The following KDM1A variants were observed in gnomAD, a reference collection of about 807,000 sequenced individuals.
KDM1A encodes the protein lysine demethylase 1A.
KDM1A carries 49 observed loss-of-function variants against 109.4 expected under a neutral mutation model. That is an observed-to-expected ratio of 0.45 (90% CI 0.36 to 0.57). KDM1A has a LOEUF of 0.57. KDM1A is among the 20% of genes least tolerant of loss of function. The pLI is 0.00. For missense variants in KDM1A, 668 were observed against 1,116.6 expected (o/e 0.60, Z 5.73); for synonymous variants, 380 against 415.4 (o/e 0.91, Z 1.04).
At chr1:23,068,440 A>G in intron 10 of KDM1A, 99 bp from the exon 11 acceptor site, 1 of 931,792 alleles carries the variant, frequency 1.1e-6, no homozygotes, top group Non-Finnish European at 1.5e-6. Flanking sequence ...CCTTTGAGAT[A>G]CATATTTTGA....
chr1:23,024,799 A>G (rs1641745263), intron 1 of KDM1A, among the ~76,000 whole-genome samples: 1 of 152,236 alleles, frequency 6.6e-6, no homozygotes, highest in Non-Finnish European at 1.5e-5. Context: ...CATTTTCCTC[A>G]GGTAAATAAG....
chr1:23,052,423 G>A (rs1642700850), intron 4 of KDM1A, among the ~76,000 whole-genome samples: 1 of 152,166 alleles, frequency 6.6e-6, no homozygotes, highest in South Asian at 2.1e-4. Context: ...ACAGAGTAGA[G>A]TATCTGTGTG....
rs1444039315 is a variant in KDM1A, at chr1:23,079,244, G to C, written c.2055+67G>C. The C allele has an allele frequency of 2.0e-6, 3 of 1,511,830 alleles. No individual in the cohort carries two copies. The highest frequency in any genetic ancestry group is 1.9e-5 in the Admixed American group (1 of 52,716). 93.7% of individuals were successfully genotyped at this position (1,511,830 alleles called of 1,614,324 possible). ...AAATAGCAGTCTTCGTTGTTTACTTGGTGAGGAGGTGGCCTTGCATTTTTG... is the reference window on the plus strand; with the variant it reads ...AAATAGCAGTCTTCGTTGTTTACTTCGTGAGGAGGTGGCCTTGCATTTTTG... On this transcript the variant is annotated intron_variant, in intron 17 of 20. Coordinates refer to ENST00000400181, the MANE Select transcript of KDM1A (RefSeq NM_001009999.3). This position sits in a 1 kb window ranked among gnomAD's most constrained non-coding sequence, Gnocchi z 5.6.
intron 8 of KDM1A, among the ~76,000 whole-genome samples, chr1:23,058,171 C>T (rs1642891824): frequency 6.6e-6 from 1 of 152,094 alleles, no homozygotes; most frequent in African/African-American, 2.4e-5. Flanking sequence ...GGAGTACAGG[C>T]ATGGGCCACC....
intron 16 of KDM1A, among the ~76,000 whole-genome samples, 168 bp downstream of exon 16, chr1:23,077,528 C>T (rs1051530412): frequency 9.9e-5 from 15 of 152,152 alleles, no homozygotes; most frequent in African/African-American, 3.6e-4. Context: ...GTGGTTCTAA[C>T]CCTATCATTT....
chr1:23,025,426 G>A (rs993520517), intron 1 of KDM1A, among the ~76,000 whole-genome samples: 1 of 151,534 alleles, frequency 6.6e-6, no homozygotes, highest in Non-Finnish European at 1.5e-5. Context: ...CACCTCCCGG[G>A]TTCAAGCAAT....
intron 3 of KDM1A, among the ~76,000 whole-genome samples, chr1:23,049,684 T>C (rs1259025736): frequency 1.4e-5 from 2 of 144,928 alleles, no homozygotes; most frequent in Non-Finnish European, 3.0e-5. Flanking sequence ...AAACTTCGTC[T>C]CAAAAAAAAA....
At chr1:23,063,395 C>T (rs1569773175) in intron 9 of KDM1A, among the ~76,000 whole-genome samples, 2 of 151,940 alleles carry the variant, frequency 1.3e-5, no homozygotes, top group East Asian at 1.9e-4. Flanking sequence ...TTACAAACAC[C>T]GTTAACTATA....
At chr1:23,044,303 T>G in intron 2 of KDM1A, 124 bp from the exon 3 acceptor site, 1 of 782,542 alleles carries the variant, frequency 1.3e-6, no homozygotes. Flanking sequence ...AAGAAGGAGC[T>G]CTCTGAATAT....
At chr1:23,076,296 GAAGT>G (rs149580280) in intron 15 of KDM1A, among the ~76,000 whole-genome samples, 3,779 of 152,098 alleles carry the variant, frequency 0.025, 147 homozygotes, top group African/African-American at 0.085. Context: ...TAAATTCAAA[GAAGT>G]AAGATCATTT....
At chr1:23,049,760 A>G (rs1006764099) in intron 3 of KDM1A, among the ~76,000 whole-genome samples, 1 of 152,068 alleles carries the variant, frequency 6.6e-6, no homozygotes, top group Non-Finnish European at 1.5e-5. Flanking sequence ...TATATGTGTT[A>G]TAGATTATAC....
intron 2 of KDM1A, among the ~76,000 whole-genome samples, chr1:23,036,444 G>GCCCCCCCCCCCCCCCCCCCCCCCCCACCC (rs5773033): frequency 1.6e-5 from 2 of 121,596 alleles, no homozygotes; most frequent in African/African-American, 3.1e-5. Flanking sequence ...TTCTTGCCAC[G>GCCCCCCCCCCCCCCCCCCCCCCCCCACCC]CCCCCCCCCT....
At chr1:23,058,045 G>A (rs1286970717) in intron 8 of KDM1A, 3 of 153,226 alleles carry the variant, frequency 2.0e-5, no homozygotes, top group African/African-American at 7.3e-5. Context: ...TGTTTGTTTC[G>A]AGACATGGTC....
At chr1:23,025,708 C>G (rs1302732677) in intron 1 of KDM1A, among the ~76,000 whole-genome samples, 1 of 152,074 alleles carries the variant, frequency 6.6e-6, no homozygotes, top group East Asian at 1.9e-4. Flanking sequence ...ATTGGATTAA[C>G]AGAAAAAGAT....
At chr1:23,057,664 T>G (rs1204878734) in intron 8 of KDM1A, 99 bp downstream of exon 8, 19 of 867,738 alleles carry the variant, frequency 2.2e-5, no homozygotes, top group Non-Finnish European at 3.6e-5. Flanking sequence ...TGGTTTAGAA[T>G]AGTCATCTTC....
Position 23,026,170 on chromosome 1 carries a change from G to A in KDM1A, c.352-4299G>A, listed in dbSNP as rs1022297385. ...TATATGCTGGTTTGAAAAATTTGAC[G>A]TTCATATCTGTTAAGCTATTAGAAA... On this transcript the variant is annotated intron_variant, in intron 1 of 20. Transcript: ENST00000400181. Among the ~76,000 whole-genome samples the A allele has an allele frequency of 1.1e-4, 16 of 152,088 alleles. No individual in the cohort carries two copies. The South Asian group carries it at 1.5e-3, about 14-fold the overall frequency.
chr1:23,074,480 T>A (rs916626107), intron 15 of KDM1A, among the ~76,000 whole-genome samples: 1 of 152,226 alleles, frequency 6.6e-6, no homozygotes, highest in Non-Finnish European at 1.5e-5. Flanking sequence ...CTTGCTTTGT[T>A]GCCCAGGCTG....
chr1:23,067,488 G>A (rs1406469727), intron 10 of KDM1A, among the ~76,000 whole-genome samples: 2 of 152,128 alleles, frequency 1.3e-5, no homozygotes, highest in African/African-American at 4.8e-5. Flanking sequence ...TTACTGGGAT[G>A]GTCTTGTCAA....
At chr1:23,040,727 A>G (rs1335839009) in intron 2 of KDM1A, among the ~76,000 whole-genome samples, 2 of 152,118 alleles carry the variant, frequency 1.3e-5, no homozygotes, top group East Asian at 3.9e-4. Context: ...GTTCAAGGTT[A>G]CAGTGAACTG....
Sources: allele counts gnomAD v4.1 joint callset (sites outside exome capture counted in the v4.1 genomes callset), GRCh38; gene constraint gnomAD v4.1.1; non-coding constraint Gnocchi (gnomAD v3.1); transcripts MANE v1.5; gene names NCBI Gene and HGNC (gene_info 2026-07-23, HGNC 2026-07-21).